BCAS3: variants seen among roughly 807,000 people sequenced by gnomAD.
BCAS3 encodes the protein BCAS4/BCAS3 fusion.
Under a neutral mutation model 116.1 loss-of-function variants are expected in BCAS3, and 53 were observed. The ratio of observed to expected loss-of-function variants is 0.46; its 90% confidence interval spans 0.37 to 0.57. The LOEUF is 0.57. BCAS3 is among the 20% of genes least tolerant of loss of function. The pLI is 0.00. For missense variants in BCAS3, 917 were observed against 1,165.4 expected, an observed-to-expected ratio of 0.79 and a Z score of 3.10; for synonymous variants, 391 against 408.2, an observed-to-expected ratio of 0.96 and a Z score of 0.51.
intron 22 of BCAS3, among the ~76,000 whole-genome samples, chr17:61,357,394 C>A (rs1382717272): frequency 6.7e-6 from 1 of 149,540 alleles, no homozygotes; most frequent in Admixed American, 6.6e-5. Context: ...TGCACCACTG[C>A]ACTCCAGCCT....
rs538005392 is a variant in BCAS3 at position 61,300,253 on chromosome 17, C to G, written c.2426-68074C>G. ...ACAGTCCCAGTTGGTTTCACTGTCC[C>G]GAGACCCTAAGGATGTTTTCGTAGA... On this transcript the variant is annotated intron_variant, in intron 22 of 23. Coordinates refer to ENST00000407086, the MANE Select transcript of BCAS3 (RefSeq NM_017679.5). This position sits in a 1 kb window ranked among gnomAD's most constrained non-coding sequence, Gnocchi z 5.1. 6.6e-6 allele frequency among the ~76,000 whole-genome samples: 1 copy of G among 152,176 alleles called. No homozygotes were observed. Among genetic ancestry groups the G allele is most frequent in the African/African-American group, 2.4e-5 (1 of 41,428 alleles).
At chr17:61,110,958 A>AC (rs1568375315) in intron 22 of BCAS3, among the ~76,000 whole-genome samples, 1 of 152,022 alleles carries the variant, frequency 6.6e-6, no homozygotes, top group Non-Finnish European at 1.5e-5. Flanking sequence ...ACTGGGAGGC[A>AC]CCCCCCAGCA....
chr17:61,264,654 CA>C (rs1356079696), intron 22 of BCAS3, among the ~76,000 whole-genome samples: 1 of 152,180 alleles, frequency 6.6e-6, no homozygotes, highest in African/African-American at 2.4e-5. Context: ...ATGATCCACC[CA>C]CCTCGGCCTC....
chr17:61,109,175 A>G (rs1218755564), intron 22 of BCAS3, among the ~76,000 whole-genome samples: 1 of 147,176 alleles, frequency 6.8e-6, no homozygotes, highest in African/African-American at 2.5e-5. Flanking sequence ...ACAGGGTGAG[A>G]CTTTGTCTCA....
intron 7 of BCAS3, 113 bp downstream of exon 7, chr17:60,808,189 A>G (rs2048460724): frequency 4.1e-6 from 3 of 726,118 alleles, no homozygotes; most frequent in Non-Finnish European, 6.8e-6. Context: ...CTCTCATAAG[A>G]GAGAAGAAGA....
intron 4 of BCAS3, among the ~76,000 whole-genome samples, chr17:60,704,677 C>T (rs1486737808): frequency 6.6e-6 from 1 of 151,780 alleles, no homozygotes; most frequent in Non-Finnish European, 1.5e-5. Context: ...CCCATCTCTA[C>T]TAGTACAAAA....
chr17:60,767,235 G>C (rs1017641044), intron 6 of BCAS3, among the ~76,000 whole-genome samples: 1 of 151,970 alleles, frequency 6.6e-6, no homozygotes, highest in Admixed American at 6.6e-5. Flanking sequence ...AGATGAACCA[G>C]GTACCTCAGT....
intron 6 of BCAS3, among the ~76,000 whole-genome samples, chr17:60,781,278 C>CTTT (rs548284183): frequency 1.4e-5 from 2 of 146,228 alleles, no homozygotes; most frequent in Non-Finnish European, 3.0e-5. Flanking sequence ...CTTTTTTTTC[C>CTTT]TTTTTTTTTT....
At chr17:61,158,580 C>G (rs1176701183) in intron 22 of BCAS3, among the ~76,000 whole-genome samples, 1 of 152,164 alleles carries the variant, frequency 6.6e-6, no homozygotes, top group African/African-American at 2.4e-5. Flanking sequence ...AAATATCATG[C>G]TATCTTCATC....
rs892178625 is a variant in BCAS3, at chr17:61,235,623, C to G, written c.2426-132704C>G. ...CCCGTTAGTGCTACCTCTTTCTAAACAGCGCCAGCCATGAAGCTTTTGACC... is the reference window on the plus strand; with the variant it reads ...CCCGTTAGTGCTACCTCTTTCTAAAGAGCGCCAGCCATGAAGCTTTTGACC... On this transcript the variant is annotated intron_variant, in intron 22 of 23. Coordinates refer to ENST00000407086, the MANE Select transcript of BCAS3 (RefSeq NM_017679.5). The surrounding 1 kb of genome is among the most constrained non-coding windows in gnomAD (Gnocchi z 5.0). Among the ~76,000 whole-genome samples, 12 of 151,072 alleles carry G rather than the reference C, an allele frequency of 7.9e-5. No individual in the cohort carries two copies. The highest frequency in any genetic ancestry group is 1.0e-4 in the Non-Finnish European group (7 of 67,954).
chr17:61,120,617 T>C (rs974479672), intron 22 of BCAS3, among the ~76,000 whole-genome samples: 3 of 152,142 alleles, frequency 2.0e-5, no homozygotes, highest in African/African-American at 7.2e-5. Context: ...ACTAGTTTTA[T>C]ATGCTACCCC....
chr17:60,708,461 G>A (rs367648084), intron 4 of BCAS3, among the ~76,000 whole-genome samples: 1 of 151,978 alleles, frequency 6.6e-6, no homozygotes, highest in East Asian at 1.9e-4. Context: ...TTTGCTTAAA[G>A]GCTCCTTCCA....
chr17:60,917,953 T>C (rs2058862759), intron 12 of BCAS3, among the ~76,000 whole-genome samples: 2 of 152,158 alleles, frequency 1.3e-5, no homozygotes, highest in African/African-American at 4.8e-5. Flanking sequence ...TCTAATTGAG[T>C]CTCTACTTGT....
chr17:61,115,252 A>G (rs1263777837), intron 22 of BCAS3, among the ~76,000 whole-genome samples: 1 of 152,248 alleles, frequency 6.6e-6, no homozygotes, highest in Non-Finnish European at 1.5e-5. Flanking sequence ...AATCTAATTA[A>G]ACTAAAGAGC....
chr17:61,109,265 G>A (rs957976903), intron 22 of BCAS3, among the ~76,000 whole-genome samples: 5 of 150,416 alleles, frequency 3.3e-5, no homozygotes, highest in African/African-American at 4.9e-5. Context: ...TCCTTGTTAC[G>A]GCCGAGTAGT....
intron 5 of BCAS3, among the ~76,000 whole-genome samples, chr17:60,744,317 A>T (rs1291038889): frequency 6.6e-6 from 1 of 152,218 alleles, no homozygotes; most frequent in Non-Finnish European, 1.5e-5. Flanking sequence ...AACCTAAAAA[A>T]TCACTCTTGA....
chr17:60,751,314 G>A (rs2042434564), intron 6 of BCAS3, among the ~76,000 whole-genome samples: 1 of 151,736 alleles, frequency 6.6e-6, no homozygotes, highest in East Asian at 1.9e-4. Context: ...TAATTAATTG[G>A]TATTATCTCA....
At position 61,329,291 on chromosome 17, in the gene BCAS3, A is replaced by AT. The variant is rs1182325184; in HGVS notation, c.2426-39035dup. On this transcript the variant is annotated intron_variant, in intron 22 of 23. Transcript: ENST00000407086. ...CAAAACATCAGGGGTTAGGGTTAAT[A>AT]TAAACTTTGGGAGGACACAAACATC... Among the ~76,000 whole-genome samples, 7 of 151,666 alleles carry AT rather than the reference A, an allele frequency of 4.6e-5. No homozygotes were observed. The South Asian group carries it at 1.0e-3, about 23-fold the overall frequency.
chr17:60,758,915 T>C (rs1465526371), intron 6 of BCAS3, among the ~76,000 whole-genome samples: 1 of 152,218 alleles, frequency 6.6e-6, no homozygotes, highest in Non-Finnish European at 1.5e-5. Context: ...TTTCCATGTA[T>C]TTGTATAGTT....
Sources: allele counts gnomAD v4.1 joint callset (sites outside exome capture counted in the v4.1 genomes callset), GRCh38; gene constraint gnomAD v4.1.1; non-coding constraint Gnocchi (gnomAD v3.1); transcripts MANE v1.5; gene names NCBI Gene and HGNC (gene_info 2026-07-23, HGNC 2026-07-21).